KLHL6: variants seen among roughly 807,000 people sequenced by gnomAD.
The protein encoded by KLHL6 is kelch like family member 6, also known as kelch-like protein 6.
A neutral mutation model predicts 58.6 loss-of-function variants in KLHL6; 41 were observed. The observed-to-expected ratio is 0.70, with a 90% CI of 0.55 to 0.91. The LOEUF is 0.91. KLHL6 is among the 40% of genes least tolerant of loss of function. The pLI is 0.00. For missense variants in KLHL6, 714 were observed against 805.6 expected, an observed-to-expected ratio of 0.89 and a Z score of 1.38; for synonymous variants, 338 against 322.7, an observed-to-expected ratio of 1.05 and a Z score of -0.51.
chr3:183,543,573 G>A (rs932815548), intron 1 of KLHL6, among the ~76,000 whole-genome samples: 4 of 151,832 alleles, frequency 2.6e-5, no homozygotes, highest in East Asian at 1.9e-4. Context: ...TTTGTGTTGC[G>A]TTCGCTATAC....
At chr3:183,516,278 C>T (rs2108679067) in intron 2 of KLHL6, among the ~76,000 whole-genome samples, 1 of 152,310 alleles carries the variant, frequency 6.6e-6, no homozygotes, top group Middle Eastern at 3.4e-3. Context: ...ATGCGCAGGG[C>T]AATCATGGGA....
At chr3:183,537,378 G>T (rs1206335277) in intron 1 of KLHL6, among the ~76,000 whole-genome samples, 3 of 152,198 alleles carry the variant, frequency 2.0e-5, no homozygotes, top group Non-Finnish European at 4.4e-5. Flanking sequence ...TGAGAACACA[G>T]CTGAGTTGGT....
At chr3:183,534,094 T>TAAGGTACTTTA (rs1712260090) in intron 1 of KLHL6, among the ~76,000 whole-genome samples, 4 of 129,308 alleles carry the variant, frequency 3.1e-5, no homozygotes, top group African/African-American at 1.1e-4. Context: ...ACTTTACTTT[T>TAAGGTACTTTA]AAAGTACTTT....
intron 2 of KLHL6, among the ~76,000 whole-genome samples, chr3:183,526,495 A>G (rs755732629): frequency 1.3e-5 from 2 of 152,260 alleles, no homozygotes; most frequent in Non-Finnish European, 2.9e-5. Flanking sequence ...GGAAGCCCAC[A>G]GCAATCTTCT....
intron 1 of KLHL6, among the ~76,000 whole-genome samples, chr3:183,554,697 A>T (rs979420031): frequency 6.6e-6 from 1 of 151,864 alleles, no homozygotes; most frequent in Non-Finnish European, 1.5e-5. Flanking sequence ...ATTAACAAAG[A>T]CAACATTATG....
In KLHL6 at chr3:183,491,640, T is replaced by G; in HGVS notation, c.*287A>C. On this transcript the variant is annotated 3_prime_UTR_variant, in exon 7 of 7. Coordinates refer to ENST00000341319, the MANE Select transcript of KLHL6 (RefSeq NM_130446.4). ...CCAGTCACCAGGTTAAATGAACCGATAAAAGGAAGTGCCTGGCACAGAAGC... is the reference window on the plus strand; with the variant it reads ...CCAGTCACCAGGTTAAATGAACCGAGAAAAGGAAGTGCCTGGCACAGAAGC... 3 of 316,232 alleles carry G rather than the reference T, an allele frequency of 9.5e-6. No homozygotes were observed. Among genetic ancestry groups the G allele is most frequent in the South Asian group, 1.5e-4 (1 of 6,610 alleles). The allele number at this position is 316,232 out of a possible 1,614,324, so 19.6% of individuals were successfully genotyped here.
rs964022761 is a variant in KLHL6, at chr3:183,551,129, A to T, written c.293+4232T>A. Among the ~76,000 whole-genome samples the T allele has an allele frequency of 2.2e-4, 33 of 151,920 alleles. 1 individual carries two copies. Among genetic ancestry groups the T allele is most frequent in the African/African-American group, 8.0e-4 (33 of 41,364 alleles). ...GAGCAAGACTCTGTCTCAGAAAAAAAAAAAAAAAAAAATTACTTCCCATGC... is the reference window on the plus strand; with the variant it reads ...GAGCAAGACTCTGTCTCAGAAAAAATAAAAAAAAAAAATTACTTCCCATGC... On this transcript the variant is annotated intron_variant, in intron 1 of 6. Transcript: ENST00000341319.
chr3:183,527,085 C>T (rs7618703), intron 2 of KLHL6, among the ~76,000 whole-genome samples: 3,053 of 149,972 alleles, frequency 0.02, 91 homozygotes, highest in African/African-American at 0.071. Flanking sequence ...GGCGTCACAG[C>T]GAGACTCTCT....
In KLHL6 at chr3:183,555,522, C is replaced by G; in HGVS notation, c.132G>C (p.Gly44=). 1 of 1,614,130 alleles carries G rather than the reference C, an allele frequency of 6.2e-7. No individual in the cohort carries two copies. The highest frequency in any genetic ancestry group is 8.5e-7 in the Non-Finnish European group (1 of 1,180,028). Residue 44 remains glycine, a synonymous_variant, in exon 1 of 7, where the codon GGG becomes GGC. Transcript: ENST00000341319. ...CCGCGTCGTCAAATTTGACCTTTTC[C>G]CCATTTAAGATCTCGACCAAGTCTC... The part of the protein sequence containing the change: ...KTGDLVEILN[G]EKVKFDDAGL...
intron 2 of KLHL6, chr3:183,521,186 C>T (rs546227339): frequency 3.3e-5 from 5 of 152,852 alleles, no homozygotes; most frequent in African/African-American, 1.2e-4. Context: ...CTTGAGTCAA[C>T]ACAGCACATG....
At chr3:183,520,108 G>T (rs1171548464) in intron 2 of KLHL6, 1 of 152,074 alleles carries the variant, frequency 6.6e-6, no homozygotes, top group Non-Finnish European at 1.5e-5. Context: ...GGCTAGGGAG[G>T]CTGTGAAGGA....
chr3:183,538,040 C>G (rs771329159), intron 1 of KLHL6, among the ~76,000 whole-genome samples: 5 of 152,082 alleles, frequency 3.3e-5, no homozygotes, highest in Non-Finnish European at 7.4e-5. Flanking sequence ...TTTGCACTTG[C>G]TTTTGACAGG....
At chr3:183,531,687 C>A (rs1415703991) in intron 1 of KLHL6, among the ~76,000 whole-genome samples, 7 of 152,100 alleles carry the variant, frequency 4.6e-5, no homozygotes, top group Non-Finnish European at 1.0e-4. Context: ...ACCTTGTGAT[C>A]TGCCCGCCTC....
At chr3:183,504,560 G>A (rs1337860146) in intron 3 of KLHL6, among the ~76,000 whole-genome samples, 1 of 152,118 alleles carries the variant, frequency 6.6e-6, no homozygotes, top group African/African-American at 2.4e-5. Flanking sequence ...GACAGGGTAG[G>A]GACCTTTTAT....
Position 183,542,212 on chromosome 3 carries a change from A to G in KLHL6, c.293+13149T>C, listed in dbSNP as rs527857318. 1.3e-4 allele frequency among the ~76,000 whole-genome samples: 20 copies of G among 152,252 alleles called. 1 individual carries two copies. The South Asian group carries it at 4.2e-3, about 32-fold the overall frequency. The stretch of plus-strand genomic sequence containing the variant: ...TCTGCCTAGATTGATGGGACCCTCC[A>G]TACCCACAGTGCAAAGGATTATTTT... On this transcript the variant is annotated intron_variant, in intron 1 of 6. Coordinates refer to ENST00000341319, the MANE Select transcript of KLHL6 (RefSeq NM_130446.4).
In KLHL6 at chr3:183,492,078, A is replaced by T; in HGVS notation, c.1715T>A (p.Val572Asp). 1 of 1,613,738 alleles carries T rather than the reference A, an allele frequency of 6.2e-7. No homozygotes were observed. Among genetic ancestry groups the T allele is most frequent in the Non-Finnish European group, 8.5e-7 (1 of 1,179,966 alleles). The change falls in exon 7 of 7, where the codon GTT becomes GAT. Residue 572 changes from valine (V) to aspartate (D), a missense_variant. Physicochemically the swap from Val to Asp is radical, Grantham distance 152. Transcript: ENST00000341319. The surrounding 1 kb of genome is among the most constrained non-coding windows in gnomAD (Gnocchi z 5.9). ...ITGGRDEKNE[V>D]IATVLCWDPE... is the part of the protein sequence containing the mutation. ...GTCCCAGCACAGCACCGTGGCGATA[A>T]CCTCGTTCTTCTCGTCCCGCCCGCC...
Position 183,555,368 on chromosome 3 carries a change from A to C in KLHL6, c.286T>G (p.Tyr96Asp), listed in dbSNP as rs1713072281. 1 of 1,613,884 alleles carries C rather than the reference A, an allele frequency of 6.2e-7. No individual in the cohort carries two copies. The highest frequency in any genetic ancestry group is 8.5e-7 in the Non-Finnish European group (1 of 1,179,848). Residue 96 changes from tyrosine to aspartate, a missense_variant, in exon 1 of 7, where the codon TAT becomes GAT. Tyr to Asp is a radical substitution (Grantham distance 160). This residue lies in a region of KLHL6 where 204 missense variants were observed against 175.9 expected (regional missense o/e 1.16). Transcript: ENST00000341319. ...GGTCCTAGGCATGCTGACCTGAAAT[A>C]GTTGCTGGCTGCGGCAAGCACCACG... Reference protein sequence around the residue: ...HRVVLAAASNYFRAMFCNDLK... With the variant: ...HRVVLAAASNDFRAMFCNDLK...
chr3:183,526,292 C>T (rs1474683841), intron 2 of KLHL6, among the ~76,000 whole-genome samples: 1 of 152,290 alleles, frequency 6.6e-6, no homozygotes, highest in East Asian at 1.9e-4. Flanking sequence ...GCCTGGGCAA[C>T]AAGAGTGAAA....
At chr3:183,536,396 G>T (rs1712367500) in intron 1 of KLHL6, among the ~76,000 whole-genome samples, 1 of 152,198 alleles carries the variant, frequency 6.6e-6, no homozygotes, top group African/African-American at 2.4e-5. Flanking sequence ...AGCACATCTG[G>T]CTTTGTGTAT....
Sources: gnomAD v4.1 joint callset for allele counts (sites outside exome capture counted in the v4.1 genomes callset) on GRCh38, gnomAD v4.1.1 for gene constraint, gnomAD v4.1.1 regional missense constraint, Gnocchi (gnomAD v3.1) non-coding constraint, MANE v1.5 for transcripts, NCBI Gene and HGNC (gene_info 2026-07-23, HGNC 2026-07-21) for gene names.